Variants in TNFRSF13B observed in about 807,000 individuals in gnomAD.
The protein encoded by TNFRSF13B is TNF receptor superfamily member 13B, also known as tumor necrosis factor receptor superfamily member 13B.
TNFRSF13B carries 34 observed loss-of-function variants against 24.0 expected under a neutral mutation model. That is an observed-to-expected ratio of 1.41 (90% CI 1.08 to 1.88). The LOEUF (loss-of-function observed/expected upper bound fraction) is 1.88, where lower values mean the gene tolerates loss of function less well. TNFRSF13B is among the 40% of genes most tolerant of loss of function. TNFRSF13B has a pLI of 0.00. For synonymous variants in TNFRSF13B, 173 were observed against 150.3 expected (o/e 1.15, Z -1.10); for missense variants, 415 against 380.8 (o/e 1.09, Z -0.75).
intron 3 of TNFRSF13B, among the ~76,000 whole-genome samples, chr17:16,942,398 C>T (rs2087517493): frequency 6.6e-6 from 1 of 152,196 alleles, no homozygotes; most frequent in African/African-American, 2.4e-5. Flanking sequence ...GACAGAGCTG[C>T]CAGGACTCTT....
rs1433550275 is a variant in TNFRSF13B at position 16,971,934 on chromosome 17, C to T, written c.61+81G>A. ...TGCTGTGGGCTTTGCACCTGCTGGA[C>T]CTTGCAACCCCCACGGCACTCAGGC... On this transcript the variant is annotated intron_variant, in intron 1 of 4. Coordinates refer to ENST00000261652, the MANE Select transcript of TNFRSF13B (RefSeq NM_012452.3). 9 of 1,453,574 alleles carry T rather than the reference C, an allele frequency of 6.2e-6. No individual in the cohort carries two copies. In the East Asian group the frequency reaches 2.0e-4, roughly 33 times the overall value. The allele number at this position is 1,453,574 out of a possible 1,614,324, so 90.0% of individuals were successfully genotyped here. A position where few individuals can be genotyped will look rare whatever the true frequency, so the allele number is the denominator to read the frequency against.
chr17:16,940,689 T>G, intron 3 of TNFRSF13B, 178 bp from the exon 4 acceptor site: 1 of 1,468,236 alleles, frequency 6.8e-7, no homozygotes, highest in Non-Finnish European at 9.0e-7. Flanking sequence ...AGGAAGTTGA[T>G]CCACTCCCCC....
chr17:16,946,797 C>T (rs538965222), intron 3 of TNFRSF13B, among the ~76,000 whole-genome samples: 8 of 151,980 alleles, frequency 5.3e-5, no homozygotes, highest in South Asian at 4.2e-4. Flanking sequence ...CTTGTTGATC[C>T]GGCTGATCTT....
At chr17:16,966,708 T>A (rs1324777075) in intron 1 of TNFRSF13B, among the ~76,000 whole-genome samples, 1 of 152,116 alleles carries the variant, frequency 6.6e-6, no homozygotes, top group Non-Finnish European at 1.5e-5. Context: ...ACTGACCCAG[T>A]GATTAAACTT....
chr17:16,944,630 C>G (rs1018743119), intron 3 of TNFRSF13B, among the ~76,000 whole-genome samples: 2 of 152,186 alleles, frequency 1.3e-5, no homozygotes, highest in African/African-American at 4.8e-5. Flanking sequence ...ATCTGCGTGG[C>G]TTGTCCACTG....
chr17:16,940,548 T>C, intron 3 of TNFRSF13B, 37 bp from the exon 4 acceptor site: 3 of 1,603,592 alleles, frequency 1.9e-6, no homozygotes, highest in South Asian at 2.2e-5. Context: ...TGCAGTGCCT[T>C]CTTCTCTTCC....
At chr17:16,948,586 T>G in intron 3 of TNFRSF13B, 152 bp downstream of exon 3, 1 of 1,137,134 alleles carries the variant, frequency 8.8e-7, no homozygotes, top group Non-Finnish European at 1.3e-6. Flanking sequence ...ACATTGTTTT[T>G]TTTATCCTGG....
chr17:16,964,393 A>G (rs2143683056), intron 1 of TNFRSF13B, among the ~76,000 whole-genome samples: 1 of 124,240 alleles, frequency 8.0e-6, no homozygotes, highest in South Asian at 2.7e-4. Context: ...CCCAGGCTGG[A>G]GTGCAGTGGT....
At chr17:16,961,396 T>C (rs2143677597) in intron 1 of TNFRSF13B, among the ~76,000 whole-genome samples, 1 of 152,376 alleles carries the variant, frequency 6.6e-6, no homozygotes, top group Non-Finnish European at 1.5e-5. Flanking sequence ...GTACACAGGA[T>C]ACTATGATGT....
chr17:16,960,029 A>ACGAATTT (rs373108281), intron 1 of TNFRSF13B, among the ~76,000 whole-genome samples: 31 of 152,248 alleles, frequency 2.0e-4, no homozygotes, highest in Middle Eastern at 6.8e-3. Context: ...AAAATTACAC[A>ACGAATTT]CGAATATGTC....
intron 1 of TNFRSF13B, among the ~76,000 whole-genome samples, chr17:16,957,224 G>T (rs1220420306): frequency 6.7e-6 from 1 of 148,986 alleles, no homozygotes; most frequent in African/African-American, 2.5e-5. Context: ...GAATGAAAAA[G>T]TTCAAAAAGT....
chr17:16,970,482 G>T (rs1597671422), intron 1 of TNFRSF13B, among the ~76,000 whole-genome samples: 1 of 152,204 alleles, frequency 6.6e-6, no homozygotes, highest in Non-Finnish European at 1.5e-5. Context: ...AAAACACTGG[G>T]TTAAAGAAAG....
At chr17:16,951,483 G>A (rs1044675997) in intron 2 of TNFRSF13B, among the ~76,000 whole-genome samples, 1 of 152,244 alleles carries the variant, frequency 6.6e-6, no homozygotes, top group Middle Eastern at 3.2e-3. Flanking sequence ...AGTATTAGAT[G>A]ATGTTAATAA....
rs1221013886 is a variant in TNFRSF13B at position 16,952,581 on chromosome 17, G to A, written c.64C>T (p.Pro22Ser). The change falls in exon 2 of 5, where the codon CCA (proline) becomes TCA (serine). Residue 22 changes from proline (P) to serine (S), a missense_variant and splice_region_variant. Pro to Ser is a moderately conservative substitution (Grantham distance 74, BLOSUM62 -1). Transcript: ENST00000261652. ...GCCACCCCCGTCCACAGGCCCTGTG[G>A]AACTGAGAGACCAGGAGAGTGAGGG... is the stretch of plus-strand genomic sequence containing the variant. ...RSRVDQEERF[P>S]QGLWTGVAMR... 6.2e-7 allele frequency: 1 copy of A among 1,614,210 alleles called. No homozygotes were observed. The highest frequency in any genetic ancestry group is 2.2e-5 in the East Asian group (1 of 44,884).
rs1567649472 is a variant in TNFRSF13B at position 16,939,653 on chromosome 17, C to CA, written c.775dup (p.Trp259LeufsTer146). The CA allele has an allele frequency of 1.9e-6, 3 of 1,612,388 alleles. No homozygotes were observed. The highest frequency in any genetic ancestry group is 2.5e-6 in the Non-Finnish European group (3 of 1,178,800). ...GACTGTGGTCCTGGTGTGGCACCCC[C>CA]ACCTTCCAGCACAAGTGGGGTCGGG... On this transcript the variant is annotated frameshift_variant, in exon 5 of 5. Coordinates refer to ENST00000261652, the MANE Select transcript of TNFRSF13B (RefSeq NM_012452.3). LOFTEE classifies it low-confidence loss of function (END_TRUNC).
chr17:16,939,493 T>C lies in TNFRSF13B; in HGVS notation c.*54A>G. 6.4e-7 allele frequency: 1 copy of C among 1,563,238 alleles called. No individual in the cohort carries two copies. Among genetic ancestry groups the C allele is most frequent in the Non-Finnish European group, 8.7e-7 (1 of 1,150,858 alleles). On this transcript the variant is annotated 3_prime_UTR_variant, in exon 5 of 5. Transcript: ENST00000261652. ...TCTCCCCTCTCCCCACCTCTCTTTCTCTCTCCCCTCCTCTCCATCTCTCTC... is the reference window on the plus strand; with the variant it reads ...TCTCCCCTCTCCCCACCTCTCTTTCCCTCTCCCCTCCTCTCCATCTCTCTC...
At chr17:16,955,721 A>G (rs1257569373) in intron 1 of TNFRSF13B, among the ~76,000 whole-genome samples, 1 of 152,178 alleles carries the variant, frequency 6.6e-6, no homozygotes, top group African/African-American at 2.4e-5. Flanking sequence ...AAAGCAGTAA[A>G]GTGGCAAGCT....
At chr17:16,948,249 C>T (rs2087562602) in intron 3 of TNFRSF13B, among the ~76,000 whole-genome samples, 1 of 152,130 alleles carries the variant, frequency 6.6e-6, no homozygotes, top group African/African-American at 2.4e-5. Flanking sequence ...ATGCTCACCA[C>T]CTGGGTGACA....
chr17:16,939,881 C>T, intron 4 of TNFRSF13B, 84 bp from the exon 5 acceptor site: 1 of 1,466,082 alleles, frequency 6.8e-7, no homozygotes, highest in Non-Finnish European at 9.0e-7. Flanking sequence ...CGCACTCTCC[C>T]CCGACCCAGG....
Sources: allele counts gnomAD v4.1 joint callset (sites outside exome capture counted in the v4.1 genomes callset), GRCh38; gene constraint gnomAD v4.1.1; transcripts MANE v1.5; gene names NCBI Gene and HGNC (gene_info 2026-07-23, HGNC 2026-07-21).